E2F3: variants seen among roughly 807,000 people sequenced by gnomAD.
The protein encoded by E2F3 is E2F transcription factor 3.
In E2F3, 11 loss-of-function variants were observed where a neutral mutation model predicts 44.4. The ratio of observed to expected loss-of-function variants is 0.25; its 90% CI spans 0.16 to 0.41. The LOEUF (loss-of-function observed/expected upper bound fraction) is 0.41. Among genes scored for constraint, E2F3 ranks in the 10% least tolerant of loss-of-function variants. E2F3 has a pLI of 1.00. For synonymous variants in E2F3, 249 were observed against 253.0 expected, an observed-to-expected ratio of 0.98 and a Z score of 0.15; for missense variants, 487 against 583.6, an observed-to-expected ratio of 0.83 and a Z score of 1.70.
intron 1 of E2F3, among the ~76,000 whole-genome samples, chr6:20,423,886 A>C (rs1760114587): frequency 6.6e-6 from 1 of 152,052 alleles, no homozygotes; most frequent in Admixed American, 6.6e-5. Flanking sequence ...CTCCTGCCTC[A>C]GCCTCCCGAG....
chr6:20,411,899 G>A (rs761596896), intron 1 of E2F3, among the ~76,000 whole-genome samples: 25 of 152,260 alleles, frequency 1.6e-4, no homozygotes, highest in Non-Finnish European at 3.4e-4. Flanking sequence ...CCAAGAAATC[G>A]GTCTGGCTTG....
At chr6:20,458,107 G>A (rs1761374745) in intron 1 of E2F3, among the ~76,000 whole-genome samples, 1 of 152,008 alleles carries the variant, frequency 6.6e-6, no homozygotes, top group Admixed American at 6.5e-5. Flanking sequence ...AGAGATAGTG[G>A]CTCATTATGA....
intron 1 of E2F3, among the ~76,000 whole-genome samples, chr6:20,450,742 G>T (rs2063137600): frequency 6.6e-6 from 1 of 151,938 alleles, no homozygotes; most frequent in Admixed American, 6.6e-5. Flanking sequence ...TGTCTTCCCG[G>T]GTTTTTATAA....
intron 1 of E2F3, among the ~76,000 whole-genome samples, chr6:20,406,531 A>C (rs900864556): frequency 6.6e-6 from 1 of 152,226 alleles, no homozygotes; most frequent in African/African-American, 2.4e-5. Flanking sequence ...TCTGTAATTA[A>C]TTATTTATGC....
intron 1 of E2F3, among the ~76,000 whole-genome samples, chr6:20,427,692 G>A (rs1760261663): frequency 6.6e-6 from 1 of 152,122 alleles, no homozygotes; most frequent in Non-Finnish European, 1.5e-5. Flanking sequence ...TACCATTTGA[G>A]GTGACTTGGA....
chr6:20,483,560 A>T (rs536510241), intron 4 of E2F3, among the ~76,000 whole-genome samples: 1 of 152,284 alleles, frequency 6.6e-6, no homozygotes, highest in South Asian at 2.1e-4. Context: ...TCCACTACAA[A>T]CATTAGTCCT....
chr6:20,429,333 C>A (rs1760319514), intron 1 of E2F3, among the ~76,000 whole-genome samples: 1 of 152,094 alleles, frequency 6.6e-6, no homozygotes, highest in Admixed American at 6.5e-5. Flanking sequence ...TGAAAAATTC[C>A]AGAAATAAAC....
chr6:20,421,253 G>C (rs987093038), intron 1 of E2F3, among the ~76,000 whole-genome samples: 1 of 152,086 alleles, frequency 6.6e-6, no homozygotes, highest in African/African-American at 2.4e-5. Flanking sequence ...TGATATTTTG[G>C]CTTCCTCCCA....
intron 1 of E2F3, among the ~76,000 whole-genome samples, chr6:20,478,765 G>A (rs976358243): frequency 1.3e-5 from 2 of 151,806 alleles, no homozygotes; most frequent in African/African-American, 2.4e-5. Context: ...AGCCAAGATC[G>A]CGCCACTCCA....
chr6:20,465,787 T>C (rs1761681466), intron 1 of E2F3, among the ~76,000 whole-genome samples: 1 of 151,864 alleles, frequency 6.6e-6, no homozygotes, highest in Non-Finnish European at 1.5e-5. Context: ...ATTCATTTTT[T>C]ATGGCTGAGT....
At chr6:20,486,665 G>A (rs1423739608) in intron 4 of E2F3, 24 bp from the exon 5 acceptor site, 1 of 1,243,054 alleles carries the variant, frequency 8.0e-7, no homozygotes, top group East Asian at 2.3e-5. Context: ...GTAATTAGAT[G>A]GAAGATTCCT....
At position 20,402,448 on chromosome 6, in the gene E2F3, C is replaced by T. The variant is rs1759334932; in HGVS notation, c.216C>T (p.Ser72=). The T allele has an allele frequency of 6.2e-7, 1 of 1,611,308 alleles. No individual in the cohort carries two copies. Among genetic ancestry groups the T allele is most frequent in the African/African-American group, 1.3e-5 (1 of 74,834 alleles). Residue 72 remains serine, a synonymous_variant, in exon 1 of 7, where the codon TCC becomes TCT. Coordinates refer to ENST00000346618, the MANE Select transcript of E2F3 (RefSeq NM_001949.5). This position sits in a 1 kb window ranked among gnomAD's most constrained non-coding sequence, Gnocchi z 5.6. ...ACACTTCCACCACCTCCTGTTCCTCCTCCCTCCAAAGCGGCGCCGTAGCCG... is the reference window on the plus strand; with the variant it reads ...ACACTTCCACCACCTCCTGTTCCTCTTCCCTCCAAAGCGGCGCCGTAGCCG... ...TTNTSTTSCS[S]SLQSGAVAAG...
intron 1 of E2F3, among the ~76,000 whole-genome samples, chr6:20,417,804 G>C (rs2127588489): frequency 6.6e-6 from 1 of 152,170 alleles, no homozygotes; most frequent in African/African-American, 2.4e-5. Flanking sequence ...AAATGCATAT[G>C]AAAGATTACC....
intron 1 of E2F3, among the ~76,000 whole-genome samples, chr6:20,437,480 CTT>C (rs56864400): frequency 2.7e-5 from 4 of 145,626 alleles, no homozygotes; most frequent in African/African-American, 5.0e-5. Context: ...AAAGAATTGT[CTT>C]TTTTTTTTCA....
rs934916090 is a variant in E2F3 at position 20,402,447 on chromosome 6, C to T, written c.215C>T (p.Ser72Phe). The T allele has an allele frequency of 5.0e-6, 8 of 1,611,308 alleles. No homozygotes were observed. In the Admixed American group the frequency reaches 8.3e-5, roughly 17 times the overall value. The change falls in exon 1 of 7, where the codon TCC (serine) becomes TTC (phenylalanine). Residue 72 changes from serine to phenylalanine, a missense_variant. Physicochemically the swap from Ser to Phe is radical, Grantham distance 155 (BLOSUM62 -2). Coordinates refer to ENST00000346618, the MANE Select transcript of E2F3 (RefSeq NM_001949.5). The surrounding 1 kb of genome is among the most constrained non-coding windows in gnomAD (Gnocchi z 5.6). Reference sequence around the variant, plus strand: ...AACACTTCCACCACCTCCTGTTCCTCCTCCCTCCAAAGCGGCGCCGTAGCC... The same window carrying T: ...AACACTTCCACCACCTCCTGTTCCTTCTCCCTCCAAAGCGGCGCCGTAGCC... ...TTNTSTTSCS[S>F]SLQSGAVAAG...
chr6:20,428,914 G>T (rs1760305640), intron 1 of E2F3, among the ~76,000 whole-genome samples: 1 of 152,118 alleles, frequency 6.6e-6, no homozygotes, highest in South Asian at 2.1e-4. Flanking sequence ...GACTGTCATT[G>T]CCAGGGCAGA....
intron 1 of E2F3, among the ~76,000 whole-genome samples, chr6:20,455,658 G>C (rs1761285626): frequency 6.6e-6 from 1 of 151,260 alleles, no homozygotes; most frequent in Admixed American, 6.6e-5. Context: ...TAAACATCCT[G>C]TTTTCCCTCA....
chr6:20,442,179 G>A (rs1242186753), intron 1 of E2F3, among the ~76,000 whole-genome samples: 1 of 152,112 alleles, frequency 6.6e-6, no homozygotes, highest in Non-Finnish European at 1.5e-5. Flanking sequence ...TTTATGAGGT[G>A]CTTTCTCTGG....
intron 1 of E2F3, among the ~76,000 whole-genome samples, chr6:20,466,128 GT>G (rs1400841511): frequency 7.3e-5 from 11 of 151,544 alleles, no homozygotes; most frequent in South Asian, 2.1e-4. Flanking sequence ...GGGGCGGGGG[GT>G]GTGGGCAGAG....
Sources: gnomAD v4.1 joint callset for allele counts (sites outside exome capture counted in the v4.1 genomes callset) on GRCh38, gnomAD v4.1.1 for gene constraint, Gnocchi (gnomAD v3.1) non-coding constraint, MANE v1.5 for transcripts, NCBI Gene and HGNC (gene_info 2026-07-23, HGNC 2026-07-21) for gene names.